PHC3: variants seen among roughly 807,000 people sequenced by gnomAD.
PHC3 encodes polyhomeotic-like protein 3.
Under a neutral mutation model 107.4 loss-of-function variants are expected in PHC3, and 13 were observed. That is an observed-to-expected ratio of 0.12 (90% CI 0.08 to 0.19). The LOEUF is 0.19. PHC3 is among the 10% of genes least tolerant of loss of function. The pLI is 1.00. For synonymous variants in PHC3, 456 were observed against 427.4 expected (o/e 1.07, Z -0.83); for missense variants, 992 against 1,210.9 (o/e 0.82, Z 2.68).
At chr3:170,103,221 C>G (rs532642576) in intron 12 of PHC3, among the ~76,000 whole-genome samples, 17 of 151,860 alleles carry the variant, frequency 1.1e-4, no homozygotes, top group Non-Finnish European at 2.4e-4. Context: ...AAACTGCCTG[C>G]AAAATACAGA....
chr3:170,093,117 A>G lies in PHC3; in HGVS notation c.*4113T>C, dbSNP rs1714279438. 1 of 152,176 alleles carries G rather than the reference A, an allele frequency of 6.6e-6. No individual in the cohort carries two copies. The highest frequency in any genetic ancestry group is 2.4e-5 in the African/African-American group (1 of 41,424). The allele number at this position is 152,176 out of a possible 1,614,324, so 9.4% of individuals were successfully genotyped here. ...TATGTAGTACACAAGATAGAGATTG[A>G]GCAATCATTTTGCATAGATGCGCCA... On this transcript the variant is annotated 3_prime_UTR_variant, in exon 15 of 15. Coordinates refer to ENST00000495893, the MANE Select transcript of PHC3 (RefSeq NM_024947.4).
intron 4 of PHC3, chr3:170,170,131 G>C (rs1200696318): frequency 6.6e-6 from 1 of 151,586 alleles, no homozygotes; most frequent in Non-Finnish European, 1.5e-5. Context: ...CATGTAGTTA[G>C]CAAAGACCAT....
chr3:170,116,095 A>G (rs1718914320), intron 10 of PHC3, among the ~76,000 whole-genome samples: 1 of 152,246 alleles, frequency 6.6e-6, no homozygotes, highest in African/African-American at 2.4e-5. Flanking sequence ...AATTATGTAC[A>G]GCTTAGCTTC....
chr3:170,143,985 T>A (rs774524971), intron 6 of PHC3, among the ~76,000 whole-genome samples: 42 of 151,806 alleles, frequency 2.8e-4, no homozygotes, highest in Non-Finnish European at 5.0e-4. Context: ...TTGCTAAACA[T>A]CATGTTTTTT....
Position 170,129,191 on chromosome 3 carries a change from A to G in PHC3, c.1281T>C (p.His427=), listed in dbSNP as rs1289866954. The change falls in exon 8 of 15, where the codon CAT becomes CAC. Residue 427 remains histidine (H), a synonymous_variant. Coordinates refer to ENST00000495893, the MANE Select transcript of PHC3 (RefSeq NM_024947.4). ...GGTGTGGCTGAATAAGTGCTTGTGG[A>G]TGAATAATTATAGTAGGAGACTGAC... The part of the protein sequence containing the change: ...SPSQSPTIII[H]PQALIQPHPL... The G allele has an allele frequency of 1.2e-6, 2 of 1,613,892 alleles. No individual in the cohort carries two copies. Among genetic ancestry groups the G allele is most frequent in the African/African-American group, 2.7e-5 (2 of 74,940 alleles).
chr3:170,164,445 T>C (rs1728414712), intron 4 of PHC3, among the ~76,000 whole-genome samples: 1 of 152,194 alleles, frequency 6.6e-6, no homozygotes, highest in Admixed American at 6.5e-5. Context: ...ACAGATCTTC[T>C]GCTTGCGTAA....
chr3:170,130,455 G>A (rs1176869209), intron 7 of PHC3, among the ~76,000 whole-genome samples: 1 of 152,130 alleles, frequency 6.6e-6, no homozygotes, highest in East Asian at 1.9e-4. Context: ...ATGTGATTAA[G>A]CAAAAGACGT....
rs1728360045 is a variant in PHC3 at position 170,164,149 on chromosome 3, T to A, written c.414+7224A>T. ...AATTTGAAGCTGCAGTGAGCTATGA[T>A]CATGCCACTGCCCTCCGGCCTGGCC... is the stretch of plus-strand genomic sequence containing the variant. On this transcript the variant is annotated intron_variant, in intron 4 of 14. Transcript: ENST00000495893. Among the ~76,000 whole-genome samples, 3 of 152,256 alleles carry A rather than the reference T, an allele frequency of 2.0e-5. No homozygotes were observed. The South Asian group carries it at 6.2e-4, about 32-fold the overall frequency.
intron 9 of PHC3, among the ~76,000 whole-genome samples, chr3:170,121,430 C>T (rs145962684): frequency 0.011 from 1,638 of 152,212 alleles, 33 homozygotes; most frequent in African/African-American, 0.037. Flanking sequence ...TAGTAAAATA[C>T]CTAGAATACA....
At chr3:170,132,958 G>T (rs2108489969) in intron 7 of PHC3, among the ~76,000 whole-genome samples, 1 of 152,152 alleles carries the variant, frequency 6.6e-6, no homozygotes, top group Non-Finnish European at 1.5e-5. Context: ...GTATCAAGTG[G>T]AAACTCCACC....
At chr3:170,100,237 C>G (rs894766626) in intron 14 of PHC3, among the ~76,000 whole-genome samples, 1 of 152,138 alleles carries the variant, frequency 6.6e-6, no homozygotes, top group African/African-American at 2.4e-5. Context: ...AATTTACAAG[C>G]TTGTTCATCC....
At position 170,107,023 on chromosome 3, in the gene PHC3, G is replaced by A. The variant is rs914904249; in HGVS notation, c.2354-77C>T. On this transcript the variant is annotated intron_variant, in intron 11 of 14. Transcript: ENST00000495893. ...AAATTTTCTTTAAGTCTATACTTTG[G>A]TTGGATACTGCTAGCAAACCAATGG... The A allele has an allele frequency of 4.1e-6, 4 of 968,818 alleles. No individual in the cohort carries two copies. In the African/African-American group the frequency reaches 5.0e-5, roughly 12 times the overall value. The allele number at this position is 968,818 out of a possible 1,614,324, so 60.0% of individuals were successfully genotyped here.
intron 4 of PHC3, among the ~76,000 whole-genome samples, chr3:170,161,775 T>C (rs994878801): frequency 6.6e-6 from 1 of 152,226 alleles, no homozygotes; most frequent in Non-Finnish European, 1.5e-5. Context: ...CCTCCTGGCT[T>C]GTGGACTGCC....
At chr3:170,131,312 G>A (rs1722232259) in intron 7 of PHC3, among the ~76,000 whole-genome samples, 2 of 152,116 alleles carry the variant, frequency 1.3e-5, no homozygotes, top group African/African-American at 4.8e-5. Flanking sequence ...CAAAATCTTG[G>A]ATTTCTACAG....
intron 8 of PHC3, among the ~76,000 whole-genome samples, chr3:170,123,993 G>A (rs570024628): frequency 6.6e-5 from 10 of 151,852 alleles, no homozygotes; most frequent in South Asian, 2.1e-4. Context: ...GACTACAGGC[G>A]CGTGCCACCA....
rs1405410714 is a variant in PHC3, at chr3:170,102,845, G to A, written c.2558C>T (p.Pro853Leu). 2 of 1,613,890 alleles carry A rather than the reference G, an allele frequency of 1.2e-6. No homozygotes were observed. Among genetic ancestry groups the A allele is most frequent in the East Asian group, 2.2e-5 (1 of 44,874 alleles). ...NQSLGHRGRRPSGPDGAAREH... is the reference protein window; with the variant it reads ...NQSLGHRGRRLSGPDGAAREH... ...TCTCGCTGCCCCATCAGGGCCACTTGGACGACGGCCACGATGCCCAAGACT... is the reference window on the plus strand; with the variant it reads ...TCTCGCTGCCCCATCAGGGCCACTTAGACGACGGCCACGATGCCCAAGACT... Residue 853 changes from proline to leucine, a missense_variant, in exon 13 of 15, where the codon CCA becomes CTA. Coordinates refer to ENST00000495893, the MANE Select transcript of PHC3 (RefSeq NM_024947.4).
chr3:170,175,859 G>C (rs1730359118), intron 2 of PHC3, among the ~76,000 whole-genome samples: 1 of 151,770 alleles, frequency 6.6e-6, no homozygotes, highest in Non-Finnish European at 1.5e-5. Flanking sequence ...GGGAGGCAGA[G>C]GTTGCAGTGA....
chr3:170,163,044 C>T (rs149282529), intron 4 of PHC3, among the ~76,000 whole-genome samples: 1,862 of 152,234 alleles, frequency 0.012, 40 homozygotes, highest in African/African-American at 0.042. Flanking sequence ...TGACATACTA[C>T]GTACTTGTTT....
chr3:170,140,094 A>C (rs1468039183), intron 6 of PHC3, among the ~76,000 whole-genome samples: 1 of 151,762 alleles, frequency 6.6e-6, no homozygotes, highest in Non-Finnish European at 1.5e-5. Flanking sequence ...AGTATCCCTA[A>C]GAGTGAGGGT....
Sources: gnomAD v4.1 joint callset for allele counts (sites outside exome capture counted in the v4.1 genomes callset) on GRCh38, gnomAD v4.1.1 for gene constraint, MANE v1.5 for transcripts, NCBI Gene and HGNC (gene_info 2026-07-23, HGNC 2026-07-21) for gene names.